Variants in CDK5RAP1 observed in about 807,000 individuals in gnomAD.
The protein encoded by CDK5RAP1 is CDK5RAP1 mitochondrial tRNA methylthiotransferase.
Under a neutral mutation model 64.5 loss-of-function variants are expected in CDK5RAP1, and 62 were observed. That is an observed-to-expected ratio of 0.96 (90% CI 0.78 to 1.19). The LOEUF is 1.19. CDK5RAP1 is among the 50% of genes most tolerant of loss of function. CDK5RAP1 has a pLI of 0.00. For synonymous variants in CDK5RAP1, 250 were observed against 261.9 expected, an observed-to-expected ratio of 0.95 and a Z score of 0.44; for missense variants, 657 against 735.0, an observed-to-expected ratio of 0.89 and a Z score of 1.23.
chr20:33,372,245 T>C (rs974396318), intron 10 of CDK5RAP1, among the ~76,000 whole-genome samples: 4 of 131,192 alleles, frequency 3.0e-5, no homozygotes, highest in African/African-American at 1.2e-4. Flanking sequence ...AAAATGAAGA[T>C]GAATAAATAA....
intron 10 of CDK5RAP1, among the ~76,000 whole-genome samples, chr20:33,371,617 A>G (rs1162820143): frequency 6.6e-6 from 1 of 152,064 alleles, no homozygotes; most frequent in Admixed American, 6.6e-5. Context: ...GTGAAACCCT[A>G]TCTCTACCAA....
intron 12 of CDK5RAP1, among the ~76,000 whole-genome samples, chr20:33,361,794 G>C (rs1600698013): frequency 6.6e-6 from 1 of 151,726 alleles, no homozygotes; most frequent in South Asian, 2.1e-4. Flanking sequence ...CGTCTCTACT[G>C]AAAACACAAA....
intron 5 of CDK5RAP1, among the ~76,000 whole-genome samples, chr20:33,388,068 CAA>C (rs372479302): frequency 1.1e-4 from 11 of 95,920 alleles, no homozygotes; most frequent in Admixed American, 1.1e-4. Flanking sequence ...AACTCCGTCT[CAA>C]AAAAAAAAAA....
chr20:33,369,807 T>C (rs1396811741), intron 11 of CDK5RAP1, among the ~76,000 whole-genome samples: 2 of 152,064 alleles, frequency 1.3e-5, no homozygotes, highest in East Asian at 3.9e-4. Flanking sequence ...GACAATAAAG[T>C]CATGGGTTCA....
At chr20:33,395,164 G>A (rs1988791089) in intron 2 of CDK5RAP1, 48 bp from the exon 3 acceptor site, 1 of 1,073,852 alleles carries the variant, frequency 9.3e-7, no homozygotes, top group Non-Finnish European at 1.4e-6. Context: ...ACAACAAGGG[G>A]TCTCGTGTCT....
intron 12 of CDK5RAP1, among the ~76,000 whole-genome samples, chr20:33,363,766 G>T (rs1386956901): frequency 5.9e-5 from 9 of 152,100 alleles, no homozygotes; most frequent in Non-Finnish European, 1.3e-4. Context: ...AGGCGTGGTT[G>T]TACACATTAT....
intron 1 of CDK5RAP1, among the ~76,000 whole-genome samples, chr20:33,399,097 A>C (rs1025029392): frequency 6.6e-6 from 1 of 152,108 alleles, no homozygotes; most frequent in Non-Finnish European, 1.5e-5. Flanking sequence ...ATGCATAAGA[A>C]ACAATAGTTG....
At chr20:33,397,494 T>G (rs768965512) in intron 1 of CDK5RAP1, among the ~76,000 whole-genome samples, 2 of 152,202 alleles carry the variant, frequency 1.3e-5, no homozygotes, top group Admixed American at 1.3e-4. Flanking sequence ...TCACCTAAGC[T>G]CCTACAGCCA....
chr20:33,370,375 C>T, intron 11 of CDK5RAP1, 124 bp downstream of exon 11: 2 of 937,966 alleles, frequency 2.1e-6, no homozygotes, highest in Non-Finnish European at 1.6e-6. Flanking sequence ...GGAAGTGAAT[C>T]GTAAGAGCCT....
chr20:33,379,733 T>A, intron 7 of CDK5RAP1, 42 bp from the exon 8 acceptor site: 2 of 1,423,678 alleles, frequency 1.4e-6, no homozygotes, highest in Non-Finnish European at 2.0e-6. Flanking sequence ...AACTTTTGGG[T>A]AGCTTCATAA....
At position 33,394,077 on chromosome 20, in the gene CDK5RAP1, A is replaced by G. The variant is rs751583738; in HGVS notation, c.409-11T>C. 25 of 1,584,924 alleles carry G rather than the reference A, an allele frequency of 1.6e-5. No individual in the cohort carries two copies. The highest frequency in any genetic ancestry group is 2.2e-5 in the Non-Finnish European group (25 of 1,153,162). On this transcript the variant is annotated splice_polypyrimidine_tract_variant and intron_variant, in intron 3 of 13. Transcript: ENST00000346416. The stretch of plus-strand genomic sequence containing the variant: ...GAGAATCACATCTGCCTGAATGGAA[A>G]GAAAGGAAAACAAGGAAAATTACAT...
chr20:33,377,729 G>A (rs1568700212), intron 8 of CDK5RAP1, among the ~76,000 whole-genome samples: 3 of 152,124 alleles, frequency 2.0e-5, no homozygotes, highest in Non-Finnish European at 4.4e-5. Flanking sequence ...TCAGCTCACT[G>A]CAACCTCTGC....
chr20:33,382,574 A>C (rs1986892757), intron 7 of CDK5RAP1, among the ~76,000 whole-genome samples: 2 of 152,186 alleles, frequency 1.3e-5, no homozygotes, highest in African/African-American at 4.8e-5. Context: ...CCATTTACTC[A>C]GGAGGCTGAA....
intron 10 of CDK5RAP1, among the ~76,000 whole-genome samples, chr20:33,372,413 T>G (rs1233428813): frequency 6.6e-6 from 1 of 151,940 alleles, no homozygotes; most frequent in Non-Finnish European, 1.5e-5. Flanking sequence ...CTCTATAGCC[T>G]TGAGGCCACA....
intron 10 of CDK5RAP1, 55 bp from the exon 11 acceptor site, chr20:33,370,684 A>C: frequency 1.2e-6 from 2 of 1,600,292 alleles, no homozygotes; most frequent in Non-Finnish European, 1.7e-6. Context: ...CCTTCAAGGG[A>C]GGCCTTCAGC....
chr20:33,372,232 T>C (rs1421334517), intron 10 of CDK5RAP1, among the ~76,000 whole-genome samples: 3 of 135,826 alleles, frequency 2.2e-5, no homozygotes, highest in Non-Finnish European at 4.7e-5. Flanking sequence ...GTATAAAATA[T>C]AGAAAATGAA....
intron 12 of CDK5RAP1, among the ~76,000 whole-genome samples, chr20:33,365,229 T>C (rs1334812708): frequency 6.6e-6 from 1 of 152,118 alleles, no homozygotes. Context: ...TTAATAGGTA[T>C]GCCAGCATTC....
intron 7 of CDK5RAP1, among the ~76,000 whole-genome samples, chr20:33,381,383 C>G (rs778863232): frequency 2.6e-5 from 4 of 152,122 alleles, no homozygotes; most frequent in Non-Finnish European, 4.4e-5. Flanking sequence ...TTCCATAAAT[C>G]AAATGTTACC....
chr20:33,392,114 C>G lies in CDK5RAP1; in HGVS notation c.544+28G>C, dbSNP rs752068438. Reference sequence around the variant, plus strand: ...GCCACATAAAGTCCAAGTTTCAAAGCTGACAAAATGTGCAAATTACCAGAT... The same window carrying G: ...GCCACATAAAGTCCAAGTTTCAAAGGTGACAAAATGTGCAAATTACCAGAT... On this transcript the variant is annotated intron_variant, in intron 5 of 13. Coordinates refer to ENST00000346416, the MANE Select transcript of CDK5RAP1 (RefSeq NM_016408.4). 19 of 1,422,090 alleles carry G rather than the reference C, an allele frequency of 1.3e-5. 1 individual carries two copies. In the South Asian group the frequency reaches 2.2e-4, roughly 17 times the overall value. 88.1% of individuals were successfully genotyped at this position (1,422,090 alleles called of 1,614,324 possible). A position where few individuals can be genotyped will look rare whatever the true frequency, so the allele number is the denominator to read the frequency against.
Sources: allele counts gnomAD v4.1 joint callset (sites outside exome capture counted in the v4.1 genomes callset), GRCh38; gene constraint gnomAD v4.1.1; transcripts MANE v1.5; gene names NCBI Gene and HGNC (gene_info 2026-07-23, HGNC 2026-07-21).